KIAA1549L: variants seen among roughly 807,000 people sequenced by gnomAD.
KIAA1549L encodes UPF0606 protein KIAA1549L.
In KIAA1549L, 88 loss-of-function variants were observed where a neutral mutation model predicts 160.7. The ratio of observed to expected loss-of-function variants is 0.55; its 90% CI spans 0.46 to 0.65. The LOEUF is 0.65. Ranked by LOEUF, KIAA1549L falls within the 30% of genes least tolerant of loss-of-function variation. The pLI is 0.00. For synonymous variants in KIAA1549L, 950 were observed against 976.7 expected, an observed-to-expected ratio of 0.97 and a Z score of 0.51; for missense variants, 2,258 against 2,437.5, an observed-to-expected ratio of 0.93 and a Z score of 1.55.
intron 16 of KIAA1549L, among the ~76,000 whole-genome samples, chr11:33,630,872 A>G (rs898227472): frequency 2.6e-5 from 4 of 152,220 alleles, no homozygotes; most frequent in Non-Finnish European, 4.4e-5. Flanking sequence ...TGGCATTAGC[A>G]TTAGCATCTA....
rs183691190 is a variant in KIAA1549L, at chr11:33,673,819, G to A, written c.*5665G>A. On this transcript the variant is annotated 3_prime_UTR_variant, in exon 21 of 21. Coordinates refer to ENST00000658780, the MANE Select transcript of KIAA1549L (RefSeq NM_012194.3). Reference sequence around the variant, plus strand: ...CCCACAAGATCTAGCCTCATCTGGAGTTGCTGTTATTGTCCTTGTTGTCTA... The same window carrying A: ...CCCACAAGATCTAGCCTCATCTGGAATTGCTGTTATTGTCCTTGTTGTCTA... The A allele has an allele frequency of 1.3e-5, 2 of 152,330 alleles. No homozygotes were observed. Among genetic ancestry groups the A allele is most frequent in the Non-Finnish European group, 2.9e-5 (2 of 68,046 alleles). The allele number at this position is 152,330 out of a possible 1,614,324, so 9.4% of individuals were successfully genotyped here.
At chr11:33,425,228 C>T (rs188203688) in intron 1 of KIAA1549L, among the ~76,000 whole-genome samples, 1,714 of 152,256 alleles carry the variant, frequency 0.011, 34 homozygotes, top group African/African-American at 0.039. Context: ...CAGAAGAGAA[C>T]TTACCTTGTG....
At chr11:33,428,673 GC>G (rs1178034608) in intron 1 of KIAA1549L, among the ~76,000 whole-genome samples, 1 of 152,140 alleles carries the variant, frequency 6.6e-6, no homozygotes, top group African/African-American at 2.4e-5. Context: ...GTGTATATGT[GC>G]CACATTTTCT....
At chr11:33,575,803 G>A (rs1208548230) in intron 10 of KIAA1549L, among the ~76,000 whole-genome samples, 1 of 152,200 alleles carries the variant, frequency 6.6e-6, no homozygotes, top group East Asian at 1.9e-4. Context: ...TGACACCCAT[G>A]GAAGAGTTAA....
chr11:33,490,063 G>T (rs985954979), intron 1 of KIAA1549L, among the ~76,000 whole-genome samples: 1 of 152,088 alleles, frequency 6.6e-6, no homozygotes, highest in Non-Finnish European at 1.5e-5. Flanking sequence ...TGGTAAATGG[G>T]AAGGTTTGAA....
chr11:33,470,377 T>C (rs1447976363), intron 1 of KIAA1549L, among the ~76,000 whole-genome samples: 1 of 152,194 alleles, frequency 6.6e-6, no homozygotes, highest in African/African-American at 2.4e-5. Flanking sequence ...ATCTCATATG[T>C]CCATCTTTAT....
intron 1 of KIAA1549L, among the ~76,000 whole-genome samples, chr11:33,511,170 G>C (rs1853219570): frequency 6.6e-6 from 1 of 152,198 alleles, no homozygotes; most frequent in Admixed American, 6.5e-5. Flanking sequence ...CTCCAGCCAA[G>C]CACAGGCACG....
chr11:33,575,175 G>A (rs1159809615), intron 10 of KIAA1549L, among the ~76,000 whole-genome samples: 1 of 152,214 alleles, frequency 6.6e-6, no homozygotes, highest in Non-Finnish European at 1.5e-5. Context: ...GTATGCCAGG[G>A]GAATTAAAGA....
rs147072998 is a variant in KIAA1549L, at chr11:33,483,725, T to C, written c.239-58077T>C. Reference sequence around the variant, plus strand: ...GTGGTAGTGAATAAGTCTTATGAGCTCTGATGGTTTTATAAGGGGAAACCC... The same window carrying C: ...GTGGTAGTGAATAAGTCTTATGAGCCCTGATGGTTTTATAAGGGGAAACCC... On this transcript the variant is annotated intron_variant, in intron 1 of 20. Transcript: ENST00000658780. Among the ~76,000 whole-genome samples the C allele has an allele frequency of 4.9e-3, 741 of 152,296 alleles. 9 individuals are homozygous for C. The highest frequency in any genetic ancestry group is 0.016 in the African/African-American group (683 of 41,550).
At chr11:33,392,584 C>T (rs1850292249) in intron 1 of KIAA1549L, among the ~76,000 whole-genome samples, 1 of 152,082 alleles carries the variant, frequency 6.6e-6, no homozygotes, top group Non-Finnish European at 1.5e-5. Context: ...TGACCATGAC[C>T]CCAAAAAGTA....
At chr11:33,479,006 G>A (rs1289051190) in intron 1 of KIAA1549L, among the ~76,000 whole-genome samples, 2 of 152,208 alleles carry the variant, frequency 1.3e-5, no homozygotes, top group African/African-American at 4.8e-5. Flanking sequence ...AGGTTACTCA[G>A]TTAGTAAATG....
At chr11:33,654,815 T>C (rs149443871) in intron 17 of KIAA1549L, among the ~76,000 whole-genome samples, 30 of 152,348 alleles carry the variant, frequency 2.0e-4, no homozygotes, top group African/African-American at 4.8e-4. Flanking sequence ...AGTTTCACAC[T>C]GCATTAAAAA....
At chr11:33,416,978 C>CA (rs1049949666) in intron 1 of KIAA1549L, among the ~76,000 whole-genome samples, 4 of 152,134 alleles carry the variant, frequency 2.6e-5, no homozygotes, top group African/African-American at 9.7e-5. Context: ...GTCACAGACT[C>CA]AAAGAGAATG....
chr11:33,542,813 A>G lies in KIAA1549L; in HGVS notation c.1250A>G (p.Glu417Gly). Reference protein sequence around the residue: ...KNTETATHEAEPPLFQTAESG... With the variant: ...KNTETATHEAGPPLFQTAESG... ...ACAGAAACAGCGACCCATGAGGCTG[A>G]GCCTCCACTTTTCCAGACTGCAGAA... The change falls in exon 2 of 21, where the codon GAG becomes GGG. Residue 417 changes from glutamate (E) to glycine (G), a missense_variant. Around this residue, in one of 6 missense-constraint regions of KIAA1549L, gnomAD observed 540 missense variants for 465.7 expected, o/e 1.16. Transcript: ENST00000658780. The G allele has an allele frequency of 6.2e-7, 1 of 1,613,872 alleles. No individual in the cohort carries two copies. Among genetic ancestry groups the G allele is most frequent in the Non-Finnish European group, 8.5e-7 (1 of 1,179,872 alleles).
At chr11:33,424,424 T>G (rs1851078194) in intron 1 of KIAA1549L, among the ~76,000 whole-genome samples, 1 of 152,208 alleles carries the variant, frequency 6.6e-6, no homozygotes, top group African/African-American at 2.4e-5. Context: ...CCTTGCAGTC[T>G]TAATTTGGCT....
chr11:33,617,296 C>T (rs748992803), intron 15 of KIAA1549L, among the ~76,000 whole-genome samples: 1 of 152,172 alleles, frequency 6.6e-6, no homozygotes, highest in Non-Finnish European at 1.5e-5. Context: ...ATAAGCCTCA[C>T]CCCCACTTGT....
chr11:33,654,692 C>T (rs916244627), intron 17 of KIAA1549L, among the ~76,000 whole-genome samples: 2 of 152,172 alleles, frequency 1.3e-5, no homozygotes, highest in Non-Finnish European at 2.9e-5. Flanking sequence ...CTTCGCCATT[C>T]GTATTTGCTT....
chr11:33,465,883 T>TA (rs1852047216), intron 1 of KIAA1549L, among the ~76,000 whole-genome samples: 1 of 152,034 alleles, frequency 6.6e-6, no homozygotes, highest in Non-Finnish European at 1.5e-5. Context: ...CCTAAAACCA[T>TA]AAAAACCCTA....
intron 1 of KIAA1549L, among the ~76,000 whole-genome samples, chr11:33,448,722 T>C (rs4756696): frequency 0.16 from 24,314 of 152,194 alleles, 2,496 homozygotes; most frequent in East Asian, 0.32. Context: ...TTTTGTGAAC[T>C]TCAGGAAATG....
Sources: allele counts gnomAD v4.1 joint callset (sites outside exome capture counted in the v4.1 genomes callset), GRCh38; gene constraint gnomAD v4.1.1; regional missense constraint gnomAD v4.1.1; transcripts MANE v1.5; gene names NCBI Gene and HGNC (gene_info 2026-07-23, HGNC 2026-07-21).